HS2ST1: variants seen among roughly 807,000 people sequenced by gnomAD.
HS2ST1 encodes the protein 2-O-sulfotransferase.
In HS2ST1, 18 loss-of-function variants were observed where a neutral mutation model predicts 42.9. That is an observed-to-expected ratio of 0.42 (90% CI 0.29 to 0.62). The LOEUF is 0.62. HS2ST1 is among the 20% of genes least tolerant of loss of function. The pLI is 0.21. For missense variants in HS2ST1, 334 were observed against 433.8 expected, an observed-to-expected ratio of 0.77 and a Z score of 2.04; for synonymous variants, 146 against 152.9, an observed-to-expected ratio of 0.95 and a Z score of 0.33.
At chr1:87,020,111 G>A (rs1291676064) in intron 1 of HS2ST1, among the ~76,000 whole-genome samples, 6 of 152,054 alleles carry the variant, frequency 3.9e-5, no homozygotes, top group Non-Finnish European at 7.4e-5. Context: ...TTTTTATTAC[G>A]TGACAGTAAA....
chr1:87,001,469 T>G (rs1649281500), intron 1 of HS2ST1, among the ~76,000 whole-genome samples: 1 of 152,250 alleles, frequency 6.6e-6, no homozygotes, highest in Non-Finnish European at 1.5e-5. Flanking sequence ...TTCAAATATT[T>G]AAATGGTTTC....
intron 2 of HS2ST1, among the ~76,000 whole-genome samples, chr1:87,077,054 T>C (rs1462432359): frequency 1.3e-5 from 2 of 152,178 alleles, no homozygotes; most frequent in African/African-American, 4.8e-5. Flanking sequence ...CAGATTCAGA[T>C]TCAGAAGGAC....
At chr1:86,987,934 C>G (rs1334245261) in intron 1 of HS2ST1, among the ~76,000 whole-genome samples, 1 of 152,114 alleles carries the variant, frequency 6.6e-6, no homozygotes, top group Non-Finnish European at 1.5e-5. Flanking sequence ...CCTTTTTTGT[C>G]TGTGGCCACT....
At chr1:87,103,963 C>T (rs958128936) in intron 6 of HS2ST1, among the ~76,000 whole-genome samples, 67 of 152,168 alleles carry the variant, frequency 4.4e-4, no homozygotes, top group African/African-American at 1.5e-3. Context: ...GCCGTATTAT[C>T]ATGTGTCTGA....
intron 1 of HS2ST1, among the ~76,000 whole-genome samples, chr1:86,970,623 ACCTCAAGTGATCCACC>A (rs1648203127): frequency 6.6e-6 from 1 of 152,068 alleles, no homozygotes; most frequent in Admixed American, 6.5e-5. Context: ...CGAACACCTG[ACCTCAAGTGATCCACC>A]CTCCTTGGCC....
intron 1 of HS2ST1, among the ~76,000 whole-genome samples, chr1:86,917,969 C>T: frequency 6.6e-6 from 1 of 152,126 alleles, no homozygotes; most frequent in East Asian, 1.9e-4. Flanking sequence ...TGCAAAATCA[C>T]AATGTTAAAA....
rs1652307474 is a variant in HS2ST1, at chr1:87,105,480, T to C, written c.*784T>C. ...TTAGTATTTGTTTCTCCATGGGTTATTTGTAAAGCTGTAAACTGAGATATC... is the reference window on the plus strand; with the variant it reads ...TTAGTATTTGTTTCTCCATGGGTTACTTGTAAAGCTGTAAACTGAGATATC... On this transcript the variant is annotated 3_prime_UTR_variant, in exon 7 of 7. Transcript: ENST00000370550. The C allele has an allele frequency of 6.6e-6, 1 of 152,256 alleles. No homozygotes were observed. The highest frequency in any genetic ancestry group is 1.5e-5 in the Non-Finnish European group (1 of 67,944). The allele number at this position is 152,256 out of a possible 1,614,324, so 9.4% of individuals were successfully genotyped here.
At chr1:87,039,390 T>C (rs1650466390) in intron 1 of HS2ST1, among the ~76,000 whole-genome samples, 1 of 152,230 alleles carries the variant, frequency 6.6e-6, no homozygotes, top group Non-Finnish European at 1.5e-5. Flanking sequence ...CTTCCTGATG[T>C]GCCTCTGCTT....
intron 1 of HS2ST1, among the ~76,000 whole-genome samples, chr1:86,969,156 C>A (rs1317755461): frequency 6.6e-6 from 1 of 152,146 alleles, no homozygotes; most frequent in East Asian, 1.9e-4. Flanking sequence ...ATTTAAAAGC[C>A]TGTTCTTAAA....
chr1:86,952,268 C>G (rs185102479), intron 1 of HS2ST1, among the ~76,000 whole-genome samples: 1 of 152,174 alleles, frequency 6.6e-6, no homozygotes, highest in East Asian at 1.9e-4. Flanking sequence ...GATAGAATCT[C>G]GCTGTGTTGC....
intron 3 of HS2ST1, among the ~76,000 whole-genome samples, chr1:87,092,076 T>C (rs547756308): frequency 1.3e-5 from 2 of 152,186 alleles, no homozygotes; most frequent in African/African-American, 4.8e-5. Flanking sequence ...TTTGAAACTT[T>C]CTGTAGCAGC....
intron 1 of HS2ST1, among the ~76,000 whole-genome samples, chr1:86,937,391 G>C (rs1023005111): frequency 3.9e-5 from 6 of 152,082 alleles, no homozygotes; most frequent in Admixed American, 3.3e-4. Flanking sequence ...TAAATATGAA[G>C]GACAATGTAT....
intron 1 of HS2ST1, among the ~76,000 whole-genome samples, chr1:87,021,103 A>G (rs191948389): frequency 6.6e-6 from 1 of 152,102 alleles, no homozygotes; most frequent in Non-Finnish European, 1.5e-5. Flanking sequence ...CAGGGTGTCT[A>G]CCTTAAGATT....
chr1:86,985,244 A>G (rs569493868), intron 1 of HS2ST1, among the ~76,000 whole-genome samples: 22 of 148,956 alleles, frequency 1.5e-4, no homozygotes, highest in Admixed American at 6.8e-4. Context: ...AGTCCCAGCT[A>G]CTCGGGAGGC....
At chr1:87,045,758 A>G in intron 1 of HS2ST1, 1 of 925,982 alleles carries the variant, frequency 1.1e-6, no homozygotes, top group Admixed American at 1.7e-5. Context: ...TACTGAAAAT[A>G]TGCATCCTGA....
At chr1:86,995,225 A>G (rs940041227) in intron 1 of HS2ST1, among the ~76,000 whole-genome samples, 1 of 152,214 alleles carries the variant, frequency 6.6e-6, no homozygotes, top group African/African-American at 2.4e-5. Flanking sequence ...TTTCAAAAGT[A>G]TGCACATAAA....
intron 1 of HS2ST1, among the ~76,000 whole-genome samples, chr1:87,026,537 GT>G (rs1055267708): frequency 3.3e-5 from 5 of 152,262 alleles, no homozygotes; most frequent in Admixed American, 6.5e-5. Flanking sequence ...TTTGGTTATA[GT>G]TTTTGTTAAA....
intron 5 of HS2ST1, among the ~76,000 whole-genome samples, chr1:87,102,061 T>A (rs776403495): frequency 1.3e-5 from 2 of 151,878 alleles, no homozygotes; most frequent in Non-Finnish European, 2.9e-5. Context: ...ATTATTATTA[T>A]TATTATTATT....
At chr1:86,963,743 CG>C (rs1292868473) in intron 1 of HS2ST1, among the ~76,000 whole-genome samples, 1 of 25,388 alleles carries the variant, frequency 3.9e-5, no homozygotes, top group Non-Finnish European at 1.1e-4. Context: ...CAGGCAGAGG[CG>C]CCCCCCCCCC....
Sources: allele counts gnomAD v4.1 joint callset (sites outside exome capture counted in the v4.1 genomes callset), GRCh38; gene constraint gnomAD v4.1.1; transcripts MANE v1.5; gene names NCBI Gene and HGNC (gene_info 2026-07-23, HGNC 2026-07-21).